RGS7: variants seen among roughly 807,000 people sequenced by gnomAD.
RGS7 encodes regulator of G protein signaling 7.
RGS7 carries 27 observed loss-of-function variants against 81.1 expected under a neutral mutation model. The observed-to-expected ratio is 0.33, with a 90% CI of 0.25 to 0.46. The LOEUF is 0.46. Among genes scored for constraint, RGS7 ranks in the 20% least tolerant of loss-of-function variants. The pLI, the probability that RGS7 is intolerant of heterozygous loss-of-function variation, is 1.00. For missense variants in RGS7, 396 were observed against 607.4 expected (o/e 0.65, Z 3.66); for synonymous variants, 208 against 207.7 (o/e 1.00, Z -0.01).
chr1:241,073,869 A>G (rs2062631833), intron 3 of RGS7, among the ~76,000 whole-genome samples: 1 of 150,150 alleles, frequency 6.7e-6, no homozygotes, highest in Non-Finnish European at 1.5e-5. Flanking sequence ...AAAAGTAGAG[A>G]TGATTAACTG....
chr1:241,183,986 T>C (rs2071869001), intron 2 of RGS7, among the ~76,000 whole-genome samples: 1 of 151,388 alleles, frequency 6.6e-6, no homozygotes, highest in Non-Finnish European at 1.5e-5. Context: ...AGAACAGGAG[T>C]CGATGGGAGT....
chr1:241,161,719 CTT>C (rs140807162), intron 2 of RGS7, among the ~76,000 whole-genome samples: 128 of 129,776 alleles, frequency 9.9e-4, no homozygotes, highest in African/African-American at 1.0e-3. Context: ...TGTTTTATTG[CTT>C]TTTTTTTTTT....
intron 4 of RGS7, among the ~76,000 whole-genome samples, chr1:240,962,310 C>T (rs948267636): frequency 7.9e-5 from 12 of 152,122 alleles, no homozygotes; most frequent in East Asian, 7.7e-4. Flanking sequence ...TCTTTCTCTC[C>T]GGCTCCTGAC....
rs555853795 is a variant in RGS7 at position 241,306,289 on chromosome 1, A to C, written c.78+49410T>G. 6.6e-5 allele frequency among the ~76,000 whole-genome samples: 10 copies of C among 150,878 alleles called. No homozygotes were observed. In the South Asian group the frequency reaches 2.1e-3, roughly 32 times the overall value. On this transcript the variant is annotated intron_variant, in intron 2 of 18. Coordinates refer to ENST00000440928, the MANE Select transcript of RGS7 (RefSeq NM_001364886.1). ...CACACATACACACACACCCTTACAC[A>C]CATACCCTCACATGTACATATATAC...
chr1:241,197,674 G>T (rs2073177168), intron 2 of RGS7, among the ~76,000 whole-genome samples: 3 of 151,722 alleles, frequency 2.0e-5, no homozygotes. Context: ...TAAAACTTGT[G>T]CACAGTTAAT....
intron 2 of RGS7, among the ~76,000 whole-genome samples, chr1:241,190,081 C>G (rs543217590): frequency 6.6e-6 from 1 of 150,806 alleles, no homozygotes; most frequent in Non-Finnish European, 1.5e-5. Flanking sequence ...CCAGCCTGGG[C>G]GACAGAGCAG....
chr1:240,929,784 G>C (rs1441154249), intron 6 of RGS7, among the ~76,000 whole-genome samples: 2 of 152,100 alleles, frequency 1.3e-5, no homozygotes, highest in Non-Finnish European at 2.9e-5. Context: ...AATGGTACCA[G>C]TTCTCTCGCA....
chr1:241,099,246 A>G (rs2064530841), intron 2 of RGS7, among the ~76,000 whole-genome samples: 1 of 152,182 alleles, frequency 6.6e-6, no homozygotes, highest in South Asian at 2.1e-4. Context: ...GAAATCCAGG[A>G]CTGATTGCCA....
chr1:240,935,200 G>A (rs182238973), intron 5 of RGS7, among the ~76,000 whole-genome samples: 59 of 151,750 alleles, frequency 3.9e-4, no homozygotes, highest in East Asian at 2.1e-3. Flanking sequence ...GCCCGGCCTC[G>A]GTGCCCTTTT....
At chr1:241,353,005 G>T (rs897313015) in intron 2 of RGS7, among the ~76,000 whole-genome samples, 1 of 152,212 alleles carries the variant, frequency 6.6e-6, no homozygotes, top group African/African-American at 2.4e-5. Context: ...AATATTCCCA[G>T]TTCAGAACAC....
intron 13 of RGS7, 21 bp from the exon 14 acceptor site, chr1:240,812,064 G>A (rs199919664): frequency 6.2e-7 from 1 of 1,613,718 alleles, no homozygotes; most frequent in Non-Finnish European, 8.5e-7. Context: ...TAAAACAAAG[G>A]CAAATACATT....
chr1:240,920,517 G>GGTGAT (rs1192078086), intron 6 of RGS7: 1 of 843,566 alleles, frequency 1.2e-6, no homozygotes, highest in African/African-American at 1.7e-5. Context: ...TGGCCTCTAT[G>GGTGAT]GTGATGGAGG....
At chr1:241,131,488 T>A (rs57014004) in intron 2 of RGS7, among the ~76,000 whole-genome samples, 15,647 of 152,120 alleles carry the variant, frequency 0.1, 2,646 homozygotes, top group African/African-American at 0.35. Context: ...CACTGGCTGA[T>A]GTTGCTGGTT....
chr1:241,216,301 A>G (rs12132577), intron 2 of RGS7, among the ~76,000 whole-genome samples: 1 of 151,790 alleles, frequency 6.6e-6, no homozygotes, highest in African/African-American at 2.4e-5. Context: ...AAATAAAAAT[A>G]AAAAAAGGAA....
At chr1:241,035,420 A>G (rs899065280) in intron 3 of RGS7, among the ~76,000 whole-genome samples, 1 of 152,180 alleles carries the variant, frequency 6.6e-6, no homozygotes, top group Non-Finnish European at 1.5e-5. Flanking sequence ...AATTCGGAGA[A>G]GGGAACATCA....
At chr1:241,110,407 A>G (rs2065432415) in intron 2 of RGS7, among the ~76,000 whole-genome samples, 1 of 152,182 alleles carries the variant, frequency 6.6e-6, no homozygotes, top group African/African-American at 2.4e-5. Flanking sequence ...CTTGAAATTC[A>G]GCAACCTCTA....
At chr1:241,114,557 T>G (rs917147092) in intron 2 of RGS7, among the ~76,000 whole-genome samples, 6 of 152,308 alleles carry the variant, frequency 3.9e-5, no homozygotes, top group South Asian at 2.1e-4. Context: ...TAAATCCTTG[T>G]CCAGAATTAT....
intron 9 of RGS7, among the ~76,000 whole-genome samples, chr1:240,837,269 T>C (rs1370028103): frequency 6.6e-6 from 1 of 152,228 alleles, no homozygotes; most frequent in East Asian, 1.9e-4. Flanking sequence ...CTGTGACACC[T>C]GGCCTGCTGT....
intron 2 of RGS7, among the ~76,000 whole-genome samples, chr1:241,273,333 G>T (rs554219021): frequency 6.6e-6 from 1 of 151,946 alleles, no homozygotes; most frequent in African/African-American, 2.4e-5. Context: ...AGCAAGATTG[G>T]GTATCTGCAC....
Sources: allele counts gnomAD v4.1 joint callset (sites outside exome capture counted in the v4.1 genomes callset), GRCh38; gene constraint gnomAD v4.1.1; transcripts MANE v1.5; gene names NCBI Gene and HGNC (gene_info 2026-07-23, HGNC 2026-07-21).